The following ERBIN variants were observed in gnomAD, a reference collection of about 807,000 sequenced individuals.
ERBIN encodes the protein erbb2 interacting protein.
A neutral mutation model predicts 158.4 loss-of-function variants in ERBIN; 60 were observed. The ratio of observed to expected loss-of-function variants is 0.38; its 90% CI spans 0.31 to 0.47. The LOEUF is 0.47. ERBIN is among the 20% of genes least tolerant of loss of function. The pLI is 0.99. For synonymous variants in ERBIN, 594 were observed against 557.2 expected (o/e 1.07, Z -0.93); for missense variants, 1,610 against 1,648.0 (o/e 0.98, Z 0.40).
intron 23 of ERBIN, 148 bp downstream of exon 23, chr5:66,075,378 A>G (rs1430021500): frequency 1.4e-6 from 1 of 692,678 alleles, no homozygotes; most frequent in African/African-American, 1.8e-5. Context: ...ATAAGGCGTT[A>G]AACTTGGTAA....
At chr5:66,036,386 C>A (rs1363956205) in intron 14 of ERBIN, among the ~76,000 whole-genome samples, 2 of 152,160 alleles carry the variant, frequency 1.3e-5, no homozygotes, top group Non-Finnish European at 2.9e-5. Context: ...ATCTCTACCC[C>A]ATACACATTC....
At chr5:66,068,056 A>G (rs1046487994) in intron 21 of ERBIN, among the ~76,000 whole-genome samples, 1 of 152,206 alleles carries the variant, frequency 6.6e-6, no homozygotes, top group Admixed American at 6.5e-5. Flanking sequence ...GGTCCGGCAC[A>G]GTGGCTCATA....
intron 1 of ERBIN, among the ~76,000 whole-genome samples, chr5:65,932,127 A>G (rs901521131): frequency 2.1e-4 from 32 of 152,096 alleles, no homozygotes; most frequent in African/African-American, 6.7e-4. Flanking sequence ...GCTGGTCACA[A>G]GGTCAGGAGA....
intron 19 of ERBIN, 47 bp from the exon 20 acceptor site, chr5:66,050,736 C>A: frequency 7.9e-7 from 1 of 1,258,114 alleles, no homozygotes; most frequent in Admixed American, 2.6e-5. Flanking sequence ...GAATTTCACA[C>A]AATTCTTGGG....
Position 66,054,315 on chromosome 5 carries a change from A to G in ERBIN, c.2997A>G (p.Gln999=). ...TGTGGCACTCCAAACAAAATCCCCA[A>G]ATAGACCATGCCAGTTTTCCTCCTC... ...DTLWHSKQNP[Q]IDHASFPPQL... Residue 999 remains glutamine (Q), a synonymous_variant, in exon 21 of 26, where the codon CAA becomes CAG. Transcript: ENST00000284037. 4.3e-6 allele frequency: 7 copies of G among 1,614,120 alleles called. No individual in the cohort carries two copies. The highest frequency in any genetic ancestry group is 5.9e-6 in the Non-Finnish European group (7 of 1,180,002).
chr5:65,938,923 A>G (rs925286912), intron 1 of ERBIN, among the ~76,000 whole-genome samples: 2 of 152,166 alleles, frequency 1.3e-5, no homozygotes, highest in Non-Finnish European at 1.5e-5. Flanking sequence ...CATCAGTCAT[A>G]TGAGAATGGC....
chr5:66,072,199 C>T lies in ERBIN; in HGVS notation c.3664C>T (p.Pro1222Ser). The T allele has an allele frequency of 6.5e-7, 1 of 1,550,258 alleles. No homozygotes were observed. The highest frequency in any genetic ancestry group is 8.7e-7 in the Non-Finnish European group (1 of 1,146,758). The change falls in exon 22 of 26, where the codon CCT becomes TCT. Residue 1222 changes from proline (P) to serine (S), a missense_variant. Pro to Ser is a moderately conservative substitution (Grantham distance 74). Around this residue, in one of 2 missense-constraint regions of ERBIN, gnomAD observed 1,014 missense variants for 936.1 expected, o/e 1.08. Transcript: ENST00000284037. ...TCCCCAGACATCCAGTTCAGGAGAT[C>T]CTTGTCAAGATGGTATATTCATTTC... is the stretch of plus-strand genomic sequence containing the variant. ...KHPQTSSSGDPCQDGIFISGQ... is the reference protein window; with the variant it reads ...KHPQTSSSGDSCQDGIFISGQ...
At chr5:66,028,225 A>T in intron 13 of ERBIN, 49 bp from the exon 14 acceptor site, 1 of 1,420,922 alleles carries the variant, frequency 7.0e-7, no homozygotes, top group Non-Finnish European at 9.8e-7. Flanking sequence ...ATTCATTTTA[A>T]ATCTTCTCAT....
chr5:65,946,133 G>C (rs1402364516), intron 1 of ERBIN, among the ~76,000 whole-genome samples: 1 of 152,172 alleles, frequency 6.6e-6, no homozygotes, highest in Non-Finnish European at 1.5e-5. Context: ...GGGAGGCTGA[G>C]ATGGGCAGCT....
Position 66,070,334 on chromosome 5 carries a change from C to T in ERBIN, c.3634-1835C>T, listed in dbSNP as rs112658308. Among the ~76,000 whole-genome samples, 1,214 of 152,232 alleles carry T rather than the reference C, an allele frequency of 8.0e-3. 13 individuals are homozygous for T. The highest frequency in any genetic ancestry group is 0.011 in the Non-Finnish European group (727 of 68,016). On this transcript the variant is annotated intron_variant, in intron 21 of 25. Coordinates refer to ENST00000284037, the MANE Select transcript of ERBIN (RefSeq NM_001253697.2). ...TTGGGATTACAGGCATGAGCCACCG[C>T]GCCCAGCTAGGAACCTCCCAATTTA...
In ERBIN at chr5:66,048,647, C is replaced by CCT; in HGVS notation, c.1789-18_1789-17dup. 6.8e-7 allele frequency: 1 copy of CCT among 1,478,466 alleles called. No homozygotes were observed. 91.6% of individuals were successfully genotyped at this position (1,478,466 alleles called of 1,614,324 possible). A position where few individuals can be genotyped will look rare whatever the true frequency, so the allele number is the denominator to read the frequency against. ...GAAACAAAAATTTAATTTTTATCCC[C>CCT]CTCACCCCCTTTTCACTAGGAATCT... On this transcript the variant is annotated intron_variant, in intron 18 of 25. Coordinates refer to ENST00000284037, the MANE Select transcript of ERBIN (RefSeq NM_001253697.2).
intron 14 of ERBIN, among the ~76,000 whole-genome samples, chr5:66,030,951 G>A (rs1339627290): frequency 6.6e-6 from 1 of 152,104 alleles, no homozygotes. Context: ...CCAAGTATCT[G>A]CTACGGTTTC....
intron 21 of ERBIN, among the ~76,000 whole-genome samples, chr5:66,066,470 T>G (rs1396866303): frequency 2.0e-5 from 3 of 151,392 alleles, no homozygotes; most frequent in African/African-American, 7.3e-5. Flanking sequence ...GAAGCTTAAG[T>G]AGTTTTTAAA....
At position 66,023,350 on chromosome 5, in the gene ERBIN, A is replaced by T; in HGVS notation, c.658A>T (p.Thr220Ser). 6.2e-7 allele frequency: 1 copy of T among 1,611,080 alleles called. No individual in the cohort carries two copies. Among genetic ancestry groups the T allele is most frequent in the Middle Eastern group, 1.7e-4 (1 of 6,050 alleles). ...GTTTTGGATGGATGCTAATAGACTGACTTTTATTCCAGGGGTATGTATATG... is the reference window on the plus strand; with the variant it reads ...GTTTTGGATGGATGCTAATAGACTGTCTTTTATTCCAGGGGTATGTATATG... ...KEFWMDANRL[T>S]FIPGFIGSLK... is the part of the protein sequence containing the mutation. The change falls in exon 9 of 26, where the codon ACT (threonine) becomes TCT (serine). Residue 220 changes from threonine to serine, a missense_variant. Coordinates refer to ENST00000284037, the MANE Select transcript of ERBIN (RefSeq NM_001253697.2).
At chr5:65,936,823 A>G (rs180888802) in intron 1 of ERBIN, among the ~76,000 whole-genome samples, 3 of 152,366 alleles carry the variant, frequency 2.0e-5, no homozygotes, top group African/African-American at 7.2e-5. Context: ...CATCTCCCAG[A>G]TATACTCCGG....
chr5:66,047,707 G>T (rs552637118), intron 18 of ERBIN, among the ~76,000 whole-genome samples: 1 of 152,050 alleles, frequency 6.6e-6, no homozygotes, highest in East Asian at 1.9e-4. Flanking sequence ...CCTGTGAGCT[G>T]TCATTTACAA....
chr5:66,056,409 G>A (rs939398683), intron 21 of ERBIN, among the ~76,000 whole-genome samples: 2 of 152,012 alleles, frequency 1.3e-5, no homozygotes, highest in Admixed American at 1.3e-4. Context: ...GAAGAGATGA[G>A]TTTGGTTTTT....
At chr5:65,931,608 G>A (rs1243519767) in intron 1 of ERBIN, among the ~76,000 whole-genome samples, 3 of 152,016 alleles carry the variant, frequency 2.0e-5, no homozygotes, top group Non-Finnish European at 4.4e-5. Flanking sequence ...AAATATAATT[G>A]TTTTCTAAAA....
chr5:65,927,275 T>A (rs37235), intron 1 of ERBIN, among the ~76,000 whole-genome samples: 1 of 152,106 alleles, frequency 6.6e-6, no homozygotes. Context: ...TTGCGTTAAT[T>A]GTATATAGAG....
Sources: allele counts gnomAD v4.1 joint callset (sites outside exome capture counted in the v4.1 genomes callset), GRCh38; gene constraint gnomAD v4.1.1; regional missense constraint gnomAD v4.1.1; transcripts MANE v1.5; gene names NCBI Gene and HGNC (gene_info 2026-07-23, HGNC 2026-07-21).